The following CRAMP1 variants were observed in gnomAD, a reference collection of about 807,000 sequenced individuals.
The protein encoded by CRAMP1 is protein cramped-like.
In CRAMP1, 50 loss-of-function variants were observed where a neutral mutation model predicts 115.4. The observed-to-expected ratio is 0.43, with a 90% confidence interval of 0.35 to 0.55. CRAMP1 has a LOEUF of 0.55. Ranked by LOEUF, CRAMP1 falls within the 20% of genes least tolerant of loss-of-function variation. The pLI, the probability that CRAMP1 is intolerant of heterozygous loss-of-function variation, is 0.01. For missense variants in CRAMP1, 1,679 were observed against 1,721.7 expected (o/e 0.98, Z 0.44); for synonymous variants, 866 against 745.4 (o/e 1.16, Z -2.64).
chr16:1,666,886 G>T lies in CRAMP1; in HGVS notation c.3036+286G>T, dbSNP rs1567462296. Among the ~76,000 whole-genome samples the T allele has an allele frequency of 6.6e-6, 1 of 152,248 alleles. No homozygotes were observed. The highest frequency in any genetic ancestry group is 6.5e-5 in the Admixed American group (1 of 15,290). ...GAGAGTGACCATAACCAAGGTGGCA[G>T]CCCACAGCGCTGTGCTCGGACACCA... On this transcript the variant is annotated intron_variant, in intron 16 of 20. Transcript: ENST00000397412. The surrounding 1 kb of genome is among the most constrained non-coding windows in gnomAD (Gnocchi z 5.0).
intron 20 of CRAMP1, among the ~76,000 whole-genome samples, chr16:1,673,604 C>T (rs1174216199): frequency 6.6e-6 from 1 of 152,232 alleles, no homozygotes; most frequent in African/African-American, 2.4e-5. Flanking sequence ...GGGTGTCTTC[C>T]CCCATAGGTC....
intron 2 of CRAMP1, among the ~76,000 whole-genome samples, chr16:1,620,943 C>T (rs2036461050): frequency 6.6e-6 from 1 of 151,950 alleles, no homozygotes; most frequent in Non-Finnish European, 1.5e-5. Flanking sequence ...TTTTACATGA[C>T]ATAATGCTAT....
At chr16:1,659,015 C>G (rs2036800538) in intron 10 of CRAMP1, among the ~76,000 whole-genome samples, 2 of 152,106 alleles carry the variant, frequency 1.3e-5, no homozygotes, top group Admixed American at 6.5e-5. Context: ...GCTCTGCAGG[C>G]TGTGGCGTGG....
rs1329799896 is a variant in CRAMP1 at position 1,676,611 on chromosome 16, A to G, written c.*2566A>G. Reference sequence around the variant, plus strand: ...CCTTTGTGCATTTGAGCATGCTGTAATTAAGATGAGATCAGTTTCTTAGAA... The same window carrying G: ...CCTTTGTGCATTTGAGCATGCTGTAGTTAAGATGAGATCAGTTTCTTAGAA... On this transcript the variant is annotated 3_prime_UTR_variant, in exon 21 of 21. Coordinates refer to ENST00000397412, the MANE Select transcript of CRAMP1 (RefSeq NM_020825.4). 6.6e-6 allele frequency: 1 copy of G among 152,206 alleles called. No individual in the cohort carries two copies. Among genetic ancestry groups the G allele is most frequent in the Non-Finnish European group, 1.5e-5 (1 of 68,036 alleles). 9.4% of individuals were successfully genotyped at this position (152,206 alleles called of 1,614,324 possible). A position where few individuals can be genotyped will look rare whatever the true frequency, so the allele number is the denominator to read the frequency against.
At chr16:1,616,625 A>G (rs964861920) in intron 2 of CRAMP1, among the ~76,000 whole-genome samples, 1 of 152,002 alleles carries the variant, frequency 6.6e-6, no homozygotes. Context: ...GTGGCTTGCT[A>G]AGGTGCAGAA....
chr16:1,633,445 G>C (rs9888938), intron 4 of CRAMP1, among the ~76,000 whole-genome samples: 24,617 of 152,294 alleles, frequency 0.16, 2,708 homozygotes, highest in East Asian at 0.31. Context: ...GGTACCCCTT[G>C]ATTCGGGTCT....
chr16:1,620,827 C>T (rs1250530718), intron 2 of CRAMP1: 3 of 380,020 alleles, frequency 7.9e-6, no homozygotes, highest in Admixed American at 7.9e-5. Context: ...GTTCTGACGG[C>T]ACGGCATGGG....
At chr16:1,642,470 T>G (rs775773152) in intron 6 of CRAMP1, among the ~76,000 whole-genome samples, 2 of 152,230 alleles carry the variant, frequency 1.3e-5, no homozygotes, top group Non-Finnish European at 2.9e-5. Flanking sequence ...CTGGACAGAC[T>G]TCCCAGAGTG....
intron 2 of CRAMP1, among the ~76,000 whole-genome samples, chr16:1,619,917 G>C (rs942137062): frequency 2.6e-5 from 4 of 152,210 alleles, no homozygotes; most frequent in Non-Finnish European, 5.9e-5. Context: ...GTGTGGACCA[G>C]ATCTTTAGAT....
At chr16:1,620,318 A>G (rs2036455384) in intron 2 of CRAMP1, among the ~76,000 whole-genome samples, 2 of 152,172 alleles carry the variant, frequency 1.3e-5, no homozygotes, top group African/African-American at 4.8e-5. Flanking sequence ...GACGTAGGCC[A>G]TGAGGACGTT....
Position 1,614,166 on chromosome 16 carries a change from C to T in CRAMP1, c.-1-473C>T, listed in dbSNP as rs1441471371. Among the ~76,000 whole-genome samples, 1 of 147,562 alleles carries T rather than the reference C, an allele frequency of 6.8e-6. No homozygotes were observed. The highest frequency in any genetic ancestry group is 2.5e-5 in the African/African-American group (1 of 40,568). On this transcript the variant is annotated intron_variant, in intron 1 of 20. Transcript: ENST00000397412. This position sits in a 1 kb window ranked among gnomAD's most constrained non-coding sequence, Gnocchi z 4.4. ...GCTAGGGCTGGGGCTGCGGCCCGGC[C>T]GGCCGAGGCGGCGCAGGGAGCGAGG...
chr16:1,625,729 A>C lies in CRAMP1; in HGVS notation c.347-244A>C, dbSNP rs534165690. 6.4e-5 allele frequency: 28 copies of C among 438,830 alleles called. No homozygotes were observed. The South Asian group carries it at 8.8e-4, about 14-fold the overall frequency. The allele number at this position is 438,830 out of a possible 1,614,324, so 27.2% of individuals were successfully genotyped here. On this transcript the variant is annotated intron_variant, in intron 2 of 20. Coordinates refer to ENST00000397412, the MANE Select transcript of CRAMP1 (RefSeq NM_020825.4). ...TCATTGTGCTGTTACATGGTTCCACATAAAATCTTGCTCCTTTTCTAACTG... is the reference window on the plus strand; with the variant it reads ...TCATTGTGCTGTTACATGGTTCCACCTAAAATCTTGCTCCTTTTCTAACTG...
At chr16:1,665,796 C>T (rs2036869259) in intron 14 of CRAMP1, 2 of 451,234 alleles carry the variant, frequency 4.4e-6, no homozygotes, top group Non-Finnish European at 8.0e-6. Context: ...GGGCTTGTCA[C>T]CCTTCAAGAG....
Position 1,637,926 on chromosome 16 carries a change from G to T in CRAMP1, c.778+19G>T, listed in dbSNP as rs895317073. The T allele has an allele frequency of 7.8e-6, 11 of 1,415,328 alleles. No individual in the cohort carries two copies. The highest frequency in any genetic ancestry group is 1.0e-5 in the Non-Finnish European group (11 of 1,052,444). 87.7% of individuals were successfully genotyped at this position (1,415,328 alleles called of 1,614,324 possible). A position where few individuals can be genotyped will look rare whatever the true frequency, so the allele number is the denominator to read the frequency against. ...GGGGGCTGTGAGTACGCTGACTGTGGGGTTGCCCACGGCTCCTCCTGTCCT... is the reference window on the plus strand; with the variant it reads ...GGGGGCTGTGAGTACGCTGACTGTGTGGTTGCCCACGGCTCCTCCTGTCCT... On this transcript the variant is annotated intron_variant, in intron 5 of 20. Coordinates refer to ENST00000397412, the MANE Select transcript of CRAMP1 (RefSeq NM_020825.4).
At chr16:1,615,465 C>T (rs189689484) in intron 2 of CRAMP1, among the ~76,000 whole-genome samples, 51 of 152,260 alleles carry the variant, frequency 3.3e-4, no homozygotes, top group African/African-American at 1.2e-3. Context: ...GACCCATTGT[C>T]CTCTCCTTCA....
At position 1,675,706 on chromosome 16, in the gene CRAMP1, G is replaced by A. The variant is rs1015501647; in HGVS notation, c.*1661G>A. 1.3e-5 allele frequency: 2 copies of A among 152,266 alleles called. No individual in the cohort carries two copies. Among genetic ancestry groups the A allele is most frequent in the Non-Finnish European group, 2.9e-5 (2 of 68,066 alleles). 9.4% of individuals were successfully genotyped at this position (152,266 alleles called of 1,614,324 possible). A position where few individuals can be genotyped will look rare whatever the true frequency, so the allele number is the denominator to read the frequency against. On this transcript the variant is annotated 3_prime_UTR_variant, in exon 21 of 21. Transcript: ENST00000397412. The stretch of plus-strand genomic sequence containing the variant: ...GAGGACAGTGAACTTCCAGGCAAGA[G>A]CTTCCTTCTTTTGTCTCACGAGTTT...
chr16:1,650,612 G>C (rs2036714502), intron 6 of CRAMP1, among the ~76,000 whole-genome samples: 1 of 152,140 alleles, frequency 6.6e-6, no homozygotes, highest in African/African-American at 2.4e-5. Flanking sequence ...ATTTACATAA[G>C]TAAGTGTACA....
At chr16:1,658,010 C>T (rs919506124) in intron 10 of CRAMP1, among the ~76,000 whole-genome samples, 5 of 152,184 alleles carry the variant, frequency 3.3e-5, no homozygotes, top group Non-Finnish European at 5.9e-5. Context: ...CCCCACACAC[C>T]CACTGCTCCA....
chr16:1,617,757 C>G (rs758256816), intron 2 of CRAMP1, among the ~76,000 whole-genome samples: 1 of 152,168 alleles, frequency 6.6e-6, no homozygotes, highest in Admixed American at 6.5e-5. Context: ...TTTTCTTTCT[C>G]TGAAGAAGAC....
Sources: allele counts gnomAD v4.1 joint callset (sites outside exome capture counted in the v4.1 genomes callset), GRCh38; gene constraint gnomAD v4.1.1; non-coding constraint Gnocchi (gnomAD v3.1); transcripts MANE v1.5; gene names NCBI Gene and HGNC (gene_info 2026-07-23, HGNC 2026-07-21).